Variants in PRKCB observed in about 807,000 individuals in gnomAD.
The protein encoded by PRKCB is protein kinase C beta type.
PRKCB carries 13 observed loss-of-function variants against 81.5 expected under a neutral mutation model. The observed-to-expected ratio is 0.16, with a 90% CI of 0.10 to 0.25. The LOEUF is 0.25. Ranked by LOEUF, PRKCB falls within the 10% of genes least tolerant of loss-of-function variation. PRKCB has a pLI of 1.00. For missense variants in PRKCB, 509 were observed against 875.7 expected, an observed-to-expected ratio of 0.58 and a Z score of 5.29; for synonymous variants, 335 against 321.4, an observed-to-expected ratio of 1.04 and a Z score of -0.45.
intron 2 of PRKCB, among the ~76,000 whole-genome samples, chr16:23,889,873 A>G (rs11859121): frequency 0.011 from 1,738 of 152,260 alleles, 40 homozygotes; most frequent in African/African-American, 0.039. Context: ...CAATAATTCC[A>G]GTCTCATTTT....
Position 23,874,504 on chromosome 16 carries a change from T to C in PRKCB, c.205+37098T>C, listed in dbSNP as rs116711667. 3.7e-3 allele frequency among the ~76,000 whole-genome samples: 561 copies of C among 152,072 alleles called. 2 individuals carry two copies. The highest frequency in any genetic ancestry group is 0.013 in the African/African-American group (543 of 41,504). ...TATAAGCATACAAATAAGTATGTAA[T>C]ATTTTGAAACATACTTATTTTTTGG... On this transcript the variant is annotated intron_variant, in intron 2 of 16. Transcript: ENST00000643927.
At chr16:24,155,065 A>C (rs910340038) in intron 10 of PRKCB, among the ~76,000 whole-genome samples, 1 of 152,254 alleles carries the variant, frequency 6.6e-6, no homozygotes, top group Non-Finnish European at 1.5e-5. Context: ...CTCAACTTAG[A>C]TAAAGGAATT....
intron 2 of PRKCB, among the ~76,000 whole-genome samples, chr16:23,886,412 T>TTGTTTTTTTTTTGTTTTTG (rs1963202378): frequency 5.4e-5 from 6 of 110,904 alleles, no homozygotes; most frequent in African/African-American, 2.1e-4. Flanking sequence ...AGGTGTTTTT[T>TTGTTTTTTTTTTGTTTTTG]TTTTTTTTTT....
At chr16:24,056,800 T>C (rs922675201) in intron 5 of PRKCB, among the ~76,000 whole-genome samples, 4 of 152,218 alleles carry the variant, frequency 2.6e-5, no homozygotes, top group Non-Finnish European at 5.9e-5. Flanking sequence ...CCATGCTTCC[T>C]GGACAGCCTA....
At chr16:24,066,920 A>G (rs576082782) in intron 5 of PRKCB, among the ~76,000 whole-genome samples, 10 of 151,810 alleles carry the variant, frequency 6.6e-5, no homozygotes, top group Non-Finnish European at 1.5e-4. Flanking sequence ...CACAATCATC[A>G]CTCATTGCAG....
At chr16:24,203,622 GAC>G (rs1967998590) in intron 16 of PRKCB, among the ~76,000 whole-genome samples, 1 of 152,108 alleles carries the variant, frequency 6.6e-6, no homozygotes, top group African/African-American at 2.4e-5. Context: ...ACTCCACAAA[GAC>G]TTCCAGTGAC....
At chr16:23,859,268 G>C (rs1962622922) in intron 2 of PRKCB, among the ~76,000 whole-genome samples, 2 of 152,198 alleles carry the variant, frequency 1.3e-5, no homozygotes, top group Admixed American at 1.3e-4. Context: ...CAGTATCCCT[G>C]GTCAGTCTTT....
chr16:24,074,084 G>A (rs1280526840), intron 5 of PRKCB, among the ~76,000 whole-genome samples: 1 of 151,336 alleles, frequency 6.6e-6, no homozygotes, highest in Non-Finnish European at 1.5e-5. Flanking sequence ...GCAGTGAGCC[G>A]AGATCATGCC....
chr16:23,990,944 G>A (rs908668209), intron 3 of PRKCB, among the ~76,000 whole-genome samples: 1 of 152,134 alleles, frequency 6.6e-6, no homozygotes, highest in African/African-American at 2.4e-5. Context: ...ACTGCATTCA[G>A]CATACCCCAA....
intron 2 of PRKCB, 38 bp downstream of exon 2, chr16:23,837,444 G>T (rs569130040): frequency 6.3e-7 from 1 of 1,593,166 alleles, no homozygotes; most frequent in South Asian, 1.1e-5. Context: ...TTTGTGGGAA[G>T]AGAGGGTGAA....
chr16:23,955,573 C>G (rs775872277), intron 2 of PRKCB, among the ~76,000 whole-genome samples: 2 of 152,142 alleles, frequency 1.3e-5, no homozygotes, highest in African/African-American at 2.4e-5. Flanking sequence ...GGGGTTACTG[C>G]CCAGACAGTT....
chr16:24,147,534 G>T (rs1967013551), intron 9 of PRKCB, among the ~76,000 whole-genome samples: 2 of 152,172 alleles, frequency 1.3e-5, no homozygotes, highest in Admixed American at 6.5e-5. Context: ...AATGTTAGTG[G>T]TTGTATAAGA....
intron 8 of PRKCB, among the ~76,000 whole-genome samples, chr16:24,119,219 G>A (rs1051326474): frequency 2.0e-5 from 3 of 151,900 alleles, no homozygotes; most frequent in African/African-American, 4.8e-5. Context: ...AAAGCAAGCT[G>A]GGAGGGAGGG....
chr16:23,912,792 T>A (rs9927074), intron 2 of PRKCB, among the ~76,000 whole-genome samples: 5,234 of 150,908 alleles, frequency 0.035, 163 homozygotes, highest in African/African-American at 0.072. Flanking sequence ...GGATTACAGG[T>A]GTGAGCCACC....
chr16:24,202,319 A>G (rs1306188279), intron 16 of PRKCB, among the ~76,000 whole-genome samples: 2 of 152,122 alleles, frequency 1.3e-5, no homozygotes, highest in African/African-American at 2.4e-5. Flanking sequence ...TTTCCACTTG[A>G]TGACAATTTA....
At chr16:23,952,162 G>A (rs1476202008) in intron 2 of PRKCB, among the ~76,000 whole-genome samples, 2 of 152,186 alleles carry the variant, frequency 1.3e-5, no homozygotes, top group Non-Finnish European at 2.9e-5. Context: ...TCCCTGCAGA[G>A]ATGGGGTCTG....
At chr16:24,018,751 A>G (rs1210751345) in intron 3 of PRKCB, among the ~76,000 whole-genome samples, 1 of 152,222 alleles carries the variant, frequency 6.6e-6, no homozygotes, top group Non-Finnish European at 1.5e-5. Flanking sequence ...CCAACACACA[A>G]GTGTTTACAT....
intron 3 of PRKCB, among the ~76,000 whole-genome samples, chr16:23,996,646 T>C (rs1964960979): frequency 6.6e-6 from 1 of 152,244 alleles, no homozygotes; most frequent in Admixed American, 6.5e-5. Flanking sequence ...ACTTAGAGCA[T>C]GCTTTATTCA....
At chr16:23,881,068 A>G (rs1963098587) in intron 2 of PRKCB, among the ~76,000 whole-genome samples, 1 of 152,090 alleles carries the variant, frequency 6.6e-6, no homozygotes, top group South Asian at 2.1e-4. Context: ...TTATGTCCTG[A>G]GAGCAGACTT....
Sources: allele counts gnomAD v4.1 joint callset (sites outside exome capture counted in the v4.1 genomes callset), GRCh38; gene constraint gnomAD v4.1.1; transcripts MANE v1.5; gene names NCBI Gene and HGNC (gene_info 2026-07-23, HGNC 2026-07-21).